Variants in NKAIN2 observed in about 807,000 individuals in gnomAD.
NKAIN2 encodes sodium/potassium-transporting ATPase subunit beta-1-interacting protein 2.
A neutral mutation model predicts 32.6 loss-of-function variants in NKAIN2; 14 were observed. That is an observed-to-expected ratio of 0.43 (90% CI 0.28 to 0.67). The LOEUF (loss-of-function observed/expected upper bound fraction) is 0.67, where lower values mean the gene tolerates loss of function less well. NKAIN2 is among the 30% of genes least tolerant of loss of function. NKAIN2 has a pLI of 0.17. For synonymous variants in NKAIN2, 80 were observed against 87.2 expected, an observed-to-expected ratio of 0.92 and a Z score of 0.46; for missense variants, 198 against 258.3, an observed-to-expected ratio of 0.77 and a Z score of 1.60.
At chr6:123,837,478 T>G (rs138944115) in intron 1 of NKAIN2, among the ~76,000 whole-genome samples, 1 of 152,276 alleles carries the variant, frequency 6.6e-6, no homozygotes, top group African/African-American at 2.4e-5. Context: ...TGATTCTACC[T>G]TTAAAATATA....
At chr6:124,312,704 T>C (rs1424768312) in intron 2 of NKAIN2, among the ~76,000 whole-genome samples, 1 of 152,202 alleles carries the variant, frequency 6.6e-6, no homozygotes, top group Admixed American at 6.5e-5. Flanking sequence ...CTAGTTACGA[T>C]TGAAGCAATG....
intron 1 of NKAIN2, among the ~76,000 whole-genome samples, chr6:124,269,350 C>T (rs1340467846): frequency 2.0e-5 from 3 of 152,100 alleles, no homozygotes; most frequent in Non-Finnish European, 2.9e-5. Context: ...CCAGAAATAG[C>T]ATACCTCATG....
At chr6:124,143,237 T>G (rs1787228619) in intron 1 of NKAIN2, among the ~76,000 whole-genome samples, 1 of 152,174 alleles carries the variant, frequency 6.6e-6, no homozygotes, top group South Asian at 2.1e-4. Flanking sequence ...GGTGGAGGAC[T>G]GCTTGAAGCC....
chr6:124,076,682 G>A (rs1040662281), intron 1 of NKAIN2, among the ~76,000 whole-genome samples: 6 of 152,210 alleles, frequency 3.9e-5, no homozygotes, highest in African/African-American at 1.4e-4. Context: ...TTACTTAGGT[G>A]GACTTGTTCT....
intron 4 of NKAIN2, among the ~76,000 whole-genome samples, chr6:124,716,720 A>AC (rs1775775381): frequency 6.6e-6 from 1 of 151,828 alleles, no homozygotes; most frequent in South Asian, 2.1e-4. Flanking sequence ...CTCCTGATTA[A>AC]CCCCCATAGC....
At chr6:124,295,387 G>T (rs182571058) in intron 2 of NKAIN2, among the ~76,000 whole-genome samples, 202 of 152,216 alleles carry the variant, frequency 1.3e-3, no homozygotes, top group African/African-American at 4.4e-3. Context: ...TGAACACGTT[G>T]AGAGGTTTGT....
chr6:124,252,947 A>T (rs1167089245), intron 1 of NKAIN2, among the ~76,000 whole-genome samples: 1 of 152,186 alleles, frequency 6.6e-6, no homozygotes, highest in Admixed American at 6.5e-5. Context: ...TAGTTAAATA[A>T]AATTTATAAA....
chr6:124,226,500 C>G (rs1792118989), intron 1 of NKAIN2, among the ~76,000 whole-genome samples: 1 of 152,042 alleles, frequency 6.6e-6, no homozygotes, highest in Admixed American at 6.6e-5. Context: ...TCACTAACAG[C>G]AGATAATGAA....
At chr6:124,594,812 A>G (rs1246876194) in intron 3 of NKAIN2, among the ~76,000 whole-genome samples, 1 of 151,604 alleles carries the variant, frequency 6.6e-6, no homozygotes, top group Non-Finnish European at 1.5e-5. Flanking sequence ...TTAGCAAGGT[A>G]TCTCAAAAGT....
In NKAIN2 at chr6:124,129,414, A is replaced by G. The variant is rs541202154; in HGVS notation, c.55-153591A>G. Among the ~76,000 whole-genome samples the G allele has an allele frequency of 2.6e-5, 4 of 152,316 alleles. No individual in the cohort carries two copies. In the East Asian group the frequency reaches 7.7e-4, roughly 29 times the overall value. On this transcript the variant is annotated intron_variant, in intron 1 of 6. Coordinates refer to ENST00000368417, the MANE Select transcript of NKAIN2 (RefSeq NM_001040214.3). ...GTGCCTACAAAGCTATGGAGACCACAATAATATTTGAAAACATTAAATGCA... is the reference window on the plus strand; with the variant it reads ...GTGCCTACAAAGCTATGGAGACCACGATAATATTTGAAAACATTAAATGCA...
At chr6:124,357,317 T>A (rs1336916229) in intron 3 of NKAIN2, among the ~76,000 whole-genome samples, 3 of 152,158 alleles carry the variant, frequency 2.0e-5, no homozygotes, top group Non-Finnish European at 4.4e-5. Flanking sequence ...TCTTTCGTGT[T>A]CAAAGCATTT....
rs184081431 is a variant in NKAIN2 at position 123,902,413 on chromosome 6, T to C, written c.54+98159T>C. Reference sequence around the variant, plus strand: ...TTTTATTTTGCTTTAAAACAAAAATTCCTACATCTAGTGTGATGTTGGTGG... The same window carrying C: ...TTTTATTTTGCTTTAAAACAAAAATCCCTACATCTAGTGTGATGTTGGTGG... On this transcript the variant is annotated intron_variant, in intron 1 of 6. Transcript: ENST00000368417. Among the ~76,000 whole-genome samples the C allele has an allele frequency of 1.3e-4, 20 of 152,266 alleles. No homozygotes were observed. The East Asian group carries it at 3.7e-3, about 28-fold the overall frequency.
chr6:123,895,143 T>C (rs1038190649), intron 1 of NKAIN2, among the ~76,000 whole-genome samples: 4 of 151,420 alleles, frequency 2.6e-5, no homozygotes, highest in Non-Finnish European at 4.4e-5. Flanking sequence ...TTCCCTTTCT[T>C]CTCTCTTTCC....
At chr6:124,092,839 C>CTCACTGATATAATAGTTTTATA (rs1223014322) in intron 1 of NKAIN2, among the ~76,000 whole-genome samples, 1 of 152,010 alleles carries the variant, frequency 6.6e-6, no homozygotes, top group East Asian at 1.9e-4. Context: ...TAGGGCTGAT[C>CTCACTGATATAATAGTTTTATA]TCAGTAGATA....
chr6:124,772,704 G>A lies in NKAIN2; in HGVS notation c.475-18635G>A, dbSNP rs146061167. Among the ~76,000 whole-genome samples the A allele has an allele frequency of 1.3e-3, 196 of 152,226 alleles. 1 individual carries two copies. The highest frequency in any genetic ancestry group is 4.2e-3 in the African/African-American group (175 of 41,526). The stretch of plus-strand genomic sequence containing the variant: ...CCATATACAGTGAAAGTTGTGGAAC[G>A]AATAGAGAAATATGTAAAGGAAGAA... On this transcript the variant is annotated intron_variant, in intron 4 of 6. Coordinates refer to ENST00000368417, the MANE Select transcript of NKAIN2 (RefSeq NM_001040214.3).
chr6:124,661,443 C>G (rs527442513), intron 4 of NKAIN2, among the ~76,000 whole-genome samples: 177 of 152,288 alleles, frequency 1.2e-3, no homozygotes, highest in African/African-American at 4.1e-3. Context: ...ATTCCTGAAC[C>G]CTGGCAAGCC....
intron 1 of NKAIN2, among the ~76,000 whole-genome samples, chr6:124,202,057 G>A (rs549152398): frequency 1.8e-4 from 27 of 151,818 alleles, no homozygotes; most frequent in Middle Eastern, 3.4e-3. Flanking sequence ...TTTTCCTTGT[G>A]GGCAGAGTGG....
intron 3 of NKAIN2, among the ~76,000 whole-genome samples, chr6:124,618,048 T>G (rs184511704): frequency 3.3e-5 from 5 of 152,342 alleles, no homozygotes; most frequent in Non-Finnish European, 7.4e-5. Flanking sequence ...AAACGCTCTG[T>G]TTAATACAAT....
chr6:124,053,779 C>CATATATATAT (rs887370898), intron 1 of NKAIN2, among the ~76,000 whole-genome samples: 1 of 151,944 alleles, frequency 6.6e-6, no homozygotes, highest in African/African-American at 2.4e-5. Flanking sequence ...GGAGGAAAAA[C>CATATATATAT]ATATATATCC....
Sources: gnomAD v4.1 joint callset for allele counts (sites outside exome capture counted in the v4.1 genomes callset) on GRCh38, gnomAD v4.1.1 for gene constraint, MANE v1.5 for transcripts, NCBI Gene and HGNC (gene_info 2026-07-23, HGNC 2026-07-21) for gene names.